Variants in SSC4D observed in about 807,000 individuals in gnomAD.
SSC4D encodes the protein scavenger receptor cysteine rich family member with 4 domains, also known as scavenger receptor cysteine-rich domain-containing group B protein.
In SSC4D, 57 loss-of-function variants were observed where a neutral mutation model predicts 63.4. The observed-to-expected ratio is 0.90, with a 90% confidence interval of 0.73 to 1.12. The LOEUF (loss-of-function observed/expected upper bound fraction) is 1.12, where lower values mean the gene tolerates loss of function less well. SSC4D is among the 50% of genes most tolerant of loss of function. SSC4D has a pLI of 0.00. For synonymous variants in SSC4D, 352 were observed against 345.4 expected (o/e 1.02, Z -0.21); for missense variants, 791 against 806.4 (o/e 0.98, Z 0.23).
intron 1 of SSC4D, among the ~76,000 whole-genome samples, chr7:76,409,122 G>A (rs764640758): frequency 6.6e-6 from 1 of 152,100 alleles, no homozygotes; most frequent in Non-Finnish European, 1.5e-5. Flanking sequence ...AGACCCTTGA[G>A]GGTGGAAACC....
At position 76,398,812 on chromosome 7, in the gene SSC4D, A is replaced by T. The variant is rs1261098214; in HGVS notation, c.476-15T>A. 6.2e-7 allele frequency: 1 copy of T among 1,610,812 alleles called. No homozygotes were observed. Among genetic ancestry groups the T allele is most frequent in the Non-Finnish European group, 8.5e-7 (1 of 1,178,010 alleles). Reference sequence around the variant, plus strand: ...TGGCAAGAATTCTGGAAAGGAAGTGAAGTGGATACAGGGGTCTTTCTGTTC... The same window carrying T: ...TGGCAAGAATTCTGGAAAGGAAGTGTAGTGGATACAGGGGTCTTTCTGTTC... On this transcript the variant is annotated splice_polypyrimidine_tract_variant and intron_variant, in intron 4 of 10. Transcript: ENST00000275560.
Position 76,391,957 on chromosome 7 carries a change from C to T in SSC4D, c.1411+7G>A. On this transcript the variant is annotated splice_region_variant and intron_variant, in intron 10 of 10. Coordinates refer to ENST00000275560, the MANE Select transcript of SSC4D (RefSeq NM_080744.2). Reference sequence around the variant, plus strand: ...CCACCCACTTTCAGGGGATTATGGGCACCTACCGTCCCTGGGCCGAGGAGT... The same window carrying T: ...CCACCCACTTTCAGGGGATTATGGGTACCTACCGTCCCTGGGCCGAGGAGT... The T allele has an allele frequency of 1.9e-6, 3 of 1,588,772 alleles. 1 individual carries two copies. The East Asian group carries it at 6.8e-5, about 36-fold the overall frequency.
intron 4 of SSC4D, 35 bp downstream of exon 4, chr7:76,400,251 C>A: frequency 7.0e-7 from 1 of 1,433,368 alleles, no homozygotes. Context: ...CTGCCACAGT[C>A]TGTCTGTCCC....
At chr7:76,394,968 G>T (rs1192109973) in intron 7 of SSC4D, among the ~76,000 whole-genome samples, 1 of 149,636 alleles carries the variant, frequency 6.7e-6, no homozygotes, top group Non-Finnish European at 1.5e-5. Context: ...TTCCCAAAGT[G>T]CTGGGATTAT....
In SSC4D at chr7:76,390,250, G is replaced by A. The variant is rs748174938; in HGVS notation, c.1537C>T (p.Gln513Ter). 1.2e-5 allele frequency: 20 copies of A among 1,613,900 alleles called. No individual in the cohort carries two copies. The East Asian group carries it at 4.0e-4, about 32-fold the overall frequency. ...GCGAGGGCCTGGCCACAGCCCAGCT[G>A]GCGGCACAGGACACCGGCTGCCCGC... is the stretch of plus-strand genomic sequence containing the variant. ...DLRAAGVLCR[Q>*]LGCGQALAAP... Residue 513 changes from glutamine (Q) to a stop codon, truncating the protein, a stop_gained, in exon 11 of 11, where the codon CAG becomes TAG. Transcript: ENST00000275560. LOFTEE classifies it high-confidence loss of function.
intron 10 of SSC4D, among the ~76,000 whole-genome samples, chr7:76,390,819 A>G (rs1289970197): frequency 1.3e-5 from 2 of 152,072 alleles, no homozygotes; most frequent in African/African-American, 4.8e-5. Flanking sequence ...TTCGTCTCAA[A>G]AAAACAAAAA....
chr7:76,395,188 T>G, intron 7 of SSC4D, 65 bp downstream of exon 7: 1 of 1,580,948 alleles, frequency 6.3e-7, no homozygotes, highest in South Asian at 1.1e-5. Flanking sequence ...CAGAACATTC[T>G]TCCCAGTTCC....
chr7:76,393,893 C>G lies in SSC4D; in HGVS notation c.958G>C (p.Gly320Arg). The change falls in exon 8 of 11, where the codon GGC (glycine) becomes CGC (arginine). Residue 320 changes from glycine (G) to arginine (R), a missense_variant. Coordinates refer to ENST00000275560, the MANE Select transcript of SSC4D (RefSeq NM_080744.2). ...GCTGTCTCCCGGGAAGGCTGGGGGC[C>G]AACTCCTGTAGCTGTGGAGACAGGG... Reference protein sequence around the residue: ...WQTDPSATGVGPQPSRETALL... With the variant: ...WQTDPSATGVRPQPSRETALL... 1 of 1,604,478 alleles carries G rather than the reference C, an allele frequency of 6.2e-7. No homozygotes were observed. Among genetic ancestry groups the G allele is most frequent in the Non-Finnish European group, 8.5e-7 (1 of 1,175,084 alleles).
At chr7:76,397,962 G>A in intron 5 of SSC4D, 130 bp from the exon 6 acceptor site, 5 of 957,912 alleles carry the variant, frequency 5.2e-6, no homozygotes, top group African/African-American at 1.7e-5. Context: ...CCAGGGTACC[G>A]CCTCCTTGGT....
At chr7:76,406,709 G>A (rs1805045856) in intron 1 of SSC4D, among the ~76,000 whole-genome samples, 1 of 151,100 alleles carries the variant, frequency 6.6e-6, no homozygotes, top group African/African-American at 2.4e-5. Context: ...TACTCAGGCT[G>A]GTCTCAAACT....
At chr7:76,402,029 C>CT (rs1160063006) in intron 2 of SSC4D, among the ~76,000 whole-genome samples, 1 of 151,810 alleles carries the variant, frequency 6.6e-6, no homozygotes, top group Admixed American at 6.6e-5. Context: ...TCTTCTTCTT[C>CT]TTCTTTTTAA....
At chr7:76,392,381 C>T (rs1040686330) in intron 9 of SSC4D, among the ~76,000 whole-genome samples, 2 of 152,062 alleles carry the variant, frequency 1.3e-5, no homozygotes, top group African/African-American at 4.8e-5. Flanking sequence ...GAAACCCCGT[C>T]TCTATTAAAA....
At chr7:76,391,096 C>T (rs1223656198) in intron 10 of SSC4D, among the ~76,000 whole-genome samples, 1 of 152,194 alleles carries the variant, frequency 6.6e-6, no homozygotes, top group Non-Finnish European at 1.5e-5. Flanking sequence ...GATTGTGCCA[C>T]TGCATTCCAG....
chr7:76,404,442 A>G lies in SSC4D; in HGVS notation c.-3T>C, dbSNP rs778564793. 6.2e-6 allele frequency: 10 copies of G among 1,613,892 alleles called. No individual in the cohort carries two copies. In the Admixed American group the frequency reaches 1.0e-4, roughly 16 times the overall value. On this transcript the variant is annotated 5_prime_UTR_variant, in exon 2 of 11. It removes the in-frame stop codon of an upstream open reading frame in the 5' UTR. Transcript: ENST00000275560. ...AGCATCTCTGCTTCCTTGTGCATCT[A>G]GATGGTGAAGGGTGTTTCAGATGCT...
At chr7:76,401,301 A>G (rs1804821536) in intron 2 of SSC4D, among the ~76,000 whole-genome samples, 1 of 152,128 alleles carries the variant, frequency 6.6e-6, no homozygotes, top group Non-Finnish European at 1.5e-5. Context: ...GCACATCTCA[A>G]ACTAATGCTA....
chr7:76,389,915 G>A lies in SSC4D; in HGVS notation c.*144C>T, dbSNP rs1270342465. The A allele has an allele frequency of 9.5e-7, 1 of 1,053,176 alleles. No individual in the cohort carries two copies. The highest frequency in any genetic ancestry group is 1.6e-5 in the African/African-American group (1 of 63,194). 65.2% of individuals were successfully genotyped at this position (1,053,176 alleles called of 1,614,324 possible). A position where few individuals can be genotyped will look rare whatever the true frequency, so the allele number is the denominator to read the frequency against. On this transcript the variant is annotated 3_prime_UTR_variant, in exon 11 of 11. Coordinates refer to ENST00000275560, the MANE Select transcript of SSC4D (RefSeq NM_080744.2). The stretch of plus-strand genomic sequence containing the variant: ...GGTACAGCCAGGCTCCCCCAAGCAG[G>A]ACTGCACTGTCTAGGTAGGCTCTCT...
rs769166063 is a variant in SSC4D, at chr7:76,392,045, G to A, written c.1334-4C>T. Reference sequence around the variant, plus strand: ...TGCAGTCCCAGCTCCTCTGGGCCTGGTTCAGGAAGGACAGAGATAAAGAGG... The same window carrying A: ...TGCAGTCCCAGCTCCTCTGGGCCTGATTCAGGAAGGACAGAGATAAAGAGG... On this transcript the variant is annotated splice_polypyrimidine_tract_variant and splice_region_variant and intron_variant, in intron 9 of 10. Transcript: ENST00000275560. 9 of 1,566,002 alleles carry A rather than the reference G, an allele frequency of 5.7e-6. No individual in the cohort carries two copies. The highest frequency in any genetic ancestry group is 7.8e-6 in the Non-Finnish European group (9 of 1,154,604).
In SSC4D at chr7:76,404,382, A is replaced by AC; in HGVS notation, c.57dup (p.Trp20ValfsTer65). On this transcript the variant is annotated frameshift_variant, in exon 2 of 11. Coordinates refer to ENST00000275560, the MANE Select transcript of SSC4D (RefSeq NM_080744.2). LOFTEE classifies it high-confidence loss of function. ...GCAGCACTCCCATCTCCCAACCTCC[A>AC]CCCCCAGCGCTTCTCATCCAGCTGG... The AC allele has an allele frequency of 6.2e-7, 1 of 1,613,826 alleles. No individual in the cohort carries two copies. The highest frequency in any genetic ancestry group is 1.7e-5 in the Admixed American group (1 of 59,978).
intron 1 of SSC4D, among the ~76,000 whole-genome samples, chr7:76,406,143 GC>G (rs1420471181): frequency 1.3e-5 from 2 of 151,618 alleles, no homozygotes; most frequent in African/African-American, 4.8e-5. Context: ...CCGCCACCAC[GC>G]CCGGCTCATT....
Sources: gnomAD v4.1 joint callset for allele counts (sites outside exome capture counted in the v4.1 genomes callset) on GRCh38, gnomAD v4.1.1 for gene constraint, MANE v1.5 for transcripts, NCBI Gene and HGNC (gene_info 2026-07-23, HGNC 2026-07-21) for gene names.